The following MGAM2 variants were observed in gnomAD, a reference collection of about 807,000 sequenced individuals.
MGAM2 encodes probable maltase-glucoamylase 2.
MGAM2 carries 98 observed loss-of-function variants against 96.1 expected under a neutral mutation model. The ratio of observed to expected loss-of-function variants is 1.02; its 90% CI spans 0.87 to 1.21. The LOEUF (loss-of-function observed/expected upper bound fraction) is 1.21. Ranked by LOEUF, MGAM2 falls within the 50% of genes most tolerant of loss-of-function variation. MGAM2 has a pLI of 0.00. For missense variants in MGAM2, 2,055 were observed against 1,182.4 expected (o/e 1.74, Z -10.82); for synonymous variants, 749 against 414.8 (o/e 1.81, Z -9.79).
At position 142,140,909 on chromosome 7, in the gene MGAM2, T is replaced by C. The variant is rs781753446; in HGVS notation, c.1194T>C (p.Asn398=). 5.7e-6 allele frequency: 4 copies of C among 702,786 alleles called. No homozygotes were observed. In the South Asian group the frequency reaches 5.9e-5, roughly 10 times the overall value. The allele number at this position is 702,786 out of a possible 1,614,324, so 43.5% of individuals were successfully genotyped here. ...LPDFVKELHD[N]GQKYLIIMNP... is the part of the protein sequence containing the mutation. ...ATTTTGTCAAGGAGTTACATGACAA[T>C]GGACAGAAATATCTTATTATTATGG... The change falls in exon 11 of 48, where the codon AAT becomes AAC. Residue 398 remains asparagine (N), a synonymous_variant. Coordinates refer to ENST00000477922, the MANE Select transcript of MGAM2 (RefSeq NM_001293626.2).
intron 10 of MGAM2, 74 bp from the exon 11 acceptor site, chr7:142,140,728 G>A (rs2129080351): frequency 1.7e-6 from 1 of 593,068 alleles, no homozygotes; most frequent in East Asian, 2.9e-5. Context: ...CAATGGTCAG[G>A]AACCAGAGCT....
At position 142,221,445 on chromosome 7, in the gene MGAM2, A is replaced by T; in HGVS notation, c.6934A>T (p.Thr2312Ser). ...HTLTSIPSSI[T>S]SILSMFPTSN... ...TCTTACTTCTATTCCTAGCTCTATTACTTCTATTTTGAGCATGTTTCCAAC... is the reference window on the plus strand; with the variant it reads ...TCTTACTTCTATTCCTAGCTCTATTTCTTCTATTTTGAGCATGTTTCCAAC... Residue 2312 changes from threonine to serine, a missense_variant, in exon 48 of 48, where the codon ACT (threonine) becomes TCT (serine). Physicochemically the swap from Thr to Ser is moderately conservative, Grantham distance 58. Transcript: ENST00000477922. 1 of 579,020 alleles carries T rather than the reference A, an allele frequency of 1.7e-6. No individual in the cohort carries two copies. The highest frequency in any genetic ancestry group is 2.8e-5 in the East Asian group (1 of 36,066). 35.9% of individuals were successfully genotyped at this position (579,020 alleles called of 1,614,324 possible).
chr7:142,141,838 A>G (rs1254886151), intron 12 of MGAM2, among the ~76,000 whole-genome samples: 1 of 152,198 alleles, frequency 6.6e-6, no homozygotes, highest in African/African-American at 2.4e-5. Context: ...GATAGAGCAT[A>G]GTTTTGATTC....
At chr7:142,133,801 C>T (rs1190630445) in intron 6 of MGAM2, among the ~76,000 whole-genome samples, 180 bp from the exon 7 acceptor site, 2 of 152,158 alleles carry the variant, frequency 1.3e-5, no homozygotes, top group Non-Finnish European at 2.9e-5. Flanking sequence ...GGCCCTAATG[C>T]TGTCTTCCTC....
chr7:142,114,202 GA>G (rs1563242717), intron 1 of MGAM2, among the ~76,000 whole-genome samples: 3 of 140,488 alleles, frequency 2.1e-5, no homozygotes, highest in Non-Finnish European at 4.5e-5. Context: ...AAGAAAGAAA[GA>G]AAGAAAGAAA....
chr7:142,193,248 C>A (rs1161038051), intron 37 of MGAM2, among the ~76,000 whole-genome samples: 1 of 152,086 alleles, frequency 6.6e-6, no homozygotes, highest in Non-Finnish European at 1.5e-5. Context: ...ATCTAAAGAC[C>A]AACTTACATC....
intron 45 of MGAM2, among the ~76,000 whole-genome samples, chr7:142,201,687 A>G (rs1797239090): frequency 6.6e-6 from 1 of 152,186 alleles, no homozygotes. Context: ...GACCATGTAC[A>G]GACATGTTTT....
rs72092512 is a variant in MGAM2 at position 142,201,071 on chromosome 7, C to CTTTTTTTTTTTTTTT, written c.5137+1113_5137+1114insTTTTTTTTTTTTTTT. Among the ~76,000 whole-genome samples the CTTTTTTTTTTTTTTT allele has an allele frequency of 1.4e-4, 12 of 84,364 alleles. 2 individuals are homozygous for CTTTTTTTTTTTTTTT. Among genetic ancestry groups the CTTTTTTTTTTTTTTT allele is most frequent in the Non-Finnish European group, 1.7e-4 (8 of 46,994 alleles). 55.3% of individuals were successfully genotyped at this position (84,364 alleles called of 152,430 possible). ...CATTGTTATAAATAACATCCTTTTT[C>CTTTTTTTTTTTTTTT]TTTTTTTTTTCTTTTTTTTTTTTTT... On this transcript the variant is annotated intron_variant, in intron 45 of 47. Coordinates refer to ENST00000477922, the MANE Select transcript of MGAM2 (RefSeq NM_001293626.2).
rs187436299 is a variant in MGAM2, at chr7:142,186,413, C to A, written c.4122+290C>A. On this transcript the variant is annotated intron_variant, in intron 35 of 47. Coordinates refer to ENST00000477922, the MANE Select transcript of MGAM2 (RefSeq NM_001293626.2). Reference sequence around the variant, plus strand: ...ATCACCTCCCATCTCCAATCTCTTGCCAATATCACCCACTGGCCAAATCTA... The same window carrying A: ...ATCACCTCCCATCTCCAATCTCTTGACAATATCACCCACTGGCCAAATCTA... Among the ~76,000 whole-genome samples, 10 of 152,238 alleles carry A rather than the reference C, an allele frequency of 6.6e-5. No homozygotes were observed. The East Asian group carries it at 1.9e-3, about 29-fold the overall frequency.
chr7:142,215,486 C>T (rs1481294549), intron 46 of MGAM2, among the ~76,000 whole-genome samples: 6 of 151,526 alleles, frequency 4.0e-5, no homozygotes, highest in African/African-American at 9.7e-5. Flanking sequence ...TTTGGCTGAG[C>T]GTGGTGGCTC....
chr7:142,194,123 C>T (rs955136895), intron 37 of MGAM2, among the ~76,000 whole-genome samples: 1 of 152,014 alleles, frequency 6.6e-6, no homozygotes, highest in Non-Finnish European at 1.5e-5. Flanking sequence ...ACCTCCATCT[C>T]CTGGGTTCAA....
chr7:142,198,897 T>C (rs2961064), intron 44 of MGAM2, among the ~76,000 whole-genome samples, 158 bp downstream of exon 44: 110,073 of 152,162 alleles, frequency 0.72, 39,905 homozygotes, highest in African/African-American at 0.76. Flanking sequence ...TGAGTGGGAC[T>C]CGGAGGAAGA....
Position 142,118,230 on chromosome 7 carries a change from T to C in MGAM2, c.106+1251T>C, listed in dbSNP as rs145560262. Among the ~76,000 whole-genome samples, 1,413 of 152,284 alleles carry C rather than the reference T, an allele frequency of 9.3e-3. 29 individuals carry two copies. Among genetic ancestry groups the C allele is most frequent in the African/African-American group, 0.025 (1,021 of 41,558 alleles). The stretch of plus-strand genomic sequence containing the variant: ...TTCTTTGCTTCTGTGAATTTGACTA[T>C]TTTAAATAATTTATGTAAGTGGACT... On this transcript the variant is annotated intron_variant, in intron 2 of 47. Transcript: ENST00000477922.
At chr7:142,159,847 G>A (rs1795836966) in intron 20 of MGAM2, among the ~76,000 whole-genome samples, 1 of 152,188 alleles carries the variant, frequency 6.6e-6, no homozygotes, top group Non-Finnish European at 1.5e-5. Context: ...ATATCAACCT[G>A]GCTATTGTGT....
In MGAM2 at chr7:142,220,097, C is replaced by G. The variant is rs1307988538; in HGVS notation, c.5586C>G (p.Thr1862=). The part of the protein sequence containing the change: ...TGTTDTVPIT[T]TSFPSTTSVT... The stretch of plus-strand genomic sequence containing the variant: ...CTACTGATACTGTTCCTATCACAAC[C>G]ACATCTTTCCCAAGTACTACTAGTG... The change falls in exon 48 of 48, where the codon ACC becomes ACG. Residue 1862 remains threonine, a synonymous_variant. Transcript: ENST00000477922. The G allele has an allele frequency of 1.4e-6, 1 of 702,796 alleles. No individual in the cohort carries two copies. Among genetic ancestry groups the G allele is most frequent in the African/African-American group, 1.7e-5 (1 of 57,264 alleles). 43.5% of individuals were successfully genotyped at this position (702,796 alleles called of 1,614,324 possible). A position where few individuals can be genotyped will look rare whatever the true frequency, so the allele number is the denominator to read the frequency against.
Position 142,201,071 on chromosome 7 carries a change from C to CTTTTTTTTTTTTTTTTTTTTTTTT in MGAM2, c.5137+1113_5137+1114insTTTTTTTTTTTTTTTTTTTTTTTT, listed in dbSNP as rs72092512. Among the ~76,000 whole-genome samples, 13 of 84,362 alleles carry CTTTTTTTTTTTTTTTTTTTTTTTT rather than the reference C, an allele frequency of 1.5e-4. 1 individual carries two copies. The highest frequency in any genetic ancestry group is 8.3e-4 in the Admixed American group (5 of 5,996). 55.3% of individuals were successfully genotyped at this position (84,362 alleles called of 152,430 possible). On this transcript the variant is annotated intron_variant, in intron 45 of 47. Transcript: ENST00000477922. ...CATTGTTATAAATAACATCCTTTTT[C>CTTTTTTTTTTTTTTTTTTTTTTTT]TTTTTTTTTTCTTTTTTTTTTTTTT... is the stretch of plus-strand genomic sequence containing the variant.
intron 45 of MGAM2, among the ~76,000 whole-genome samples, chr7:142,205,428 G>C (rs893484131): frequency 2.6e-5 from 4 of 152,032 alleles, no homozygotes; most frequent in African/African-American, 9.7e-5. Context: ...ATCTCAATCA[G>C]CAGTGTATGA....
At position 142,114,708 on chromosome 7, in the gene MGAM2, CAAG is replaced by C. The variant is rs1817326435; in HGVS notation, c.1-2161_1-2159del. 2.6e-5 allele frequency among the ~76,000 whole-genome samples: 4 copies of C among 151,958 alleles called. No individual in the cohort carries two copies. The South Asian group carries it at 8.3e-4, about 32-fold the overall frequency. Reference sequence around the variant, plus strand: ...AACAGATACAAGGATTATGCTTAAACAAGAAGAGGAAAAACTGTTTCATTGAGA... The same window carrying C: ...AACAGATACAAGGATTATGCTTAAACAAGAGGAAAAACTGTTTCATTGAGA... On this transcript the variant is annotated intron_variant, in intron 1 of 47. Transcript: ENST00000477922.
At chr7:142,111,998 CTGTGTGTGTGTGTGTGTGTGTGTG>C (rs57967255) in intron 1 of MGAM2, among the ~76,000 whole-genome samples, 191 bp downstream of exon 1, 2 of 133,598 alleles carry the variant, frequency 1.5e-5, no homozygotes, top group Non-Finnish European at 3.2e-5. Flanking sequence ...AGAGGAGAGA[CTGTGTGTGTGTGTGTGTGTGTGTG>C]TGTGTGTGTG....
Sources: allele counts gnomAD v4.1 joint callset (sites outside exome capture counted in the v4.1 genomes callset), GRCh38; gene constraint gnomAD v4.1.1; transcripts MANE v1.5; gene names NCBI Gene and HGNC (gene_info 2026-07-23, HGNC 2026-07-21).